LRRC58: variants seen among roughly 807,000 people sequenced by gnomAD.
The protein encoded by LRRC58 is leucine rich repeat containing 58, also known as leucine-rich repeat-containing protein 58.
LRRC58 carries 18 observed loss-of-function variants against 30.6 expected under a neutral mutation model. That is an observed-to-expected ratio of 0.59 (90% CI 0.41 to 0.87). LRRC58 has a LOEUF of 0.87. LRRC58 is among the 40% of genes least tolerant of loss of function. The pLI, the probability that LRRC58 is intolerant of heterozygous loss-of-function variation, is 0.00. For missense variants in LRRC58, 420 were observed against 468.4 expected (o/e 0.90, Z 0.95); for synonymous variants, 221 against 206.0 (o/e 1.07, Z -0.62).
intron 1 of LRRC58, among the ~76,000 whole-genome samples, chr3:120,345,951 A>G (rs1425829178): frequency 6.6e-6 from 1 of 152,212 alleles, no homozygotes; most frequent in East Asian, 1.9e-4. Flanking sequence ...CAAATCCAAC[A>G]GTACAGAAGT....
chr3:120,347,670 C>A (rs1016173377), intron 1 of LRRC58, among the ~76,000 whole-genome samples: 1 of 151,180 alleles, frequency 6.6e-6, no homozygotes, highest in Non-Finnish European at 1.5e-5. Flanking sequence ...GGATTACAGG[C>A]GTGAGCCACC....
chr3:120,334,626 TG>T (rs1935809432), intron 3 of LRRC58, among the ~76,000 whole-genome samples: 1 of 152,206 alleles, frequency 6.6e-6, no homozygotes, highest in Admixed American at 6.5e-5. Flanking sequence ...TTTACCATCT[TG>T]ATTTATTATC....
At chr3:120,334,803 CTTAA>C (rs1354216236) in intron 3 of LRRC58, 55 bp downstream of exon 3, 8 of 1,412,384 alleles carry the variant, frequency 5.7e-6, no homozygotes, top group South Asian at 1.4e-5. Flanking sequence ...TGAAAGAAGA[CTTAA>C]TTAATTTAAA....
rs752837749 is a variant in LRRC58 at position 120,335,085 on chromosome 3, A to G, written c.684T>C (p.Pro228=). ...AATGAATAAGGTTGAGGATCTCTCG[A>G]GGCAGATATGTCAGCAAGTTATTGT... ...SLHNNLLTYL[P]REILNLIHLE... is the part of the protein sequence containing the mutation. The change falls in exon 3 of 4, where the codon CCT becomes CCC. Residue 228 remains proline (P), a synonymous_variant. Transcript: ENST00000295628. 1.5e-5 allele frequency: 25 copies of G among 1,613,986 alleles called. No homozygotes were observed. Among genetic ancestry groups the G allele is most frequent in the Non-Finnish European group, 2.1e-5 (25 of 1,179,858 alleles).
At chr3:120,340,496 T>C (rs1181827802) in intron 1 of LRRC58, among the ~76,000 whole-genome samples, 1 of 152,222 alleles carries the variant, frequency 6.6e-6, no homozygotes, top group Non-Finnish European at 1.5e-5. Context: ...TTCTCAAGTA[T>C]AATTTTTCTG....
At chr3:120,346,316 C>T (rs1243728622) in intron 1 of LRRC58, among the ~76,000 whole-genome samples, 1 of 151,992 alleles carries the variant, frequency 6.6e-6, no homozygotes, top group Non-Finnish European at 1.5e-5. Flanking sequence ...GACCCTCCAA[C>T]CCCCCAACAA....
At chr3:120,342,366 G>A (rs574120333) in intron 1 of LRRC58, among the ~76,000 whole-genome samples, 56 of 152,348 alleles carry the variant, frequency 3.7e-4, no homozygotes, top group African/African-American at 1.3e-3. Flanking sequence ...GGCTCAGCCA[G>A]AACAGGGCAG....
At chr3:120,346,140 G>A (rs906993559) in intron 1 of LRRC58, among the ~76,000 whole-genome samples, 11 of 152,032 alleles carry the variant, frequency 7.2e-5, no homozygotes, top group Non-Finnish European at 1.6e-4. Flanking sequence ...TCCTGTGGTC[G>A]CAGATACTTG....
At chr3:120,336,010 A>G in intron 1 of LRRC58, 57 bp from the exon 2 acceptor site, 1 of 1,270,954 alleles carries the variant, frequency 7.9e-7, no homozygotes, top group Non-Finnish European at 1.1e-6. Flanking sequence ...AAGATACCCC[A>G]TTGTGTCTAC....
At chr3:120,338,165 T>C (rs1187670315) in intron 1 of LRRC58, among the ~76,000 whole-genome samples, 2 of 152,160 alleles carry the variant, frequency 1.3e-5, no homozygotes, top group Non-Finnish European at 2.9e-5. Context: ...TTTAAATACC[T>C]TTTGCCCTGA....
rs964120856 is a variant in LRRC58, at chr3:120,330,322, T to C, written c.*878A>G. The C allele has an allele frequency of 1.5e-4, 23 of 152,218 alleles. No homozygotes were observed. The highest frequency in any genetic ancestry group is 5.3e-4 in the African/African-American group (22 of 41,562). 9.4% of individuals were successfully genotyped at this position (152,218 alleles called of 1,614,324 possible). A position where few individuals can be genotyped will look rare whatever the true frequency, so the allele number is the denominator to read the frequency against. ...CCTACCATTAAGTGTAAAAGTAATG[T>C]GCTTATAAGGGATGAGTGCACATTT... On this transcript the variant is annotated 3_prime_UTR_variant, in exon 4 of 4. Coordinates refer to ENST00000295628, the MANE Select transcript of LRRC58 (RefSeq NM_001099678.2).
Position 120,349,202 on chromosome 3 carries a change from G to C in LRRC58, c.42C>G (p.Ala14=). The change falls in exon 1 of 4, where the codon GCC becomes GCG. Residue 14 remains alanine (A), a synonymous_variant. Coordinates refer to ENST00000295628, the MANE Select transcript of LRRC58 (RefSeq NM_001099678.2). ...CGCTGAGGCGGGACCAGTTCAGTTC[G>C]GCCTCCCCGGCCGTGACCACCGCTG... is the stretch of plus-strand genomic sequence containing the variant. ...AGAAVVTAGE[A]ELNWSRLSVS... The C allele has an allele frequency of 6.9e-7, 1 of 1,448,480 alleles. No individual in the cohort carries two copies. Among genetic ancestry groups the C allele is most frequent in the Non-Finnish European group, 9.0e-7 (1 of 1,106,108 alleles). The allele number at this position is 1,448,480 out of a possible 1,614,324, so 89.7% of individuals were successfully genotyped here. A position where few individuals can be genotyped will look rare whatever the true frequency, so the allele number is the denominator to read the frequency against.
intron 3 of LRRC58, 146 bp from the exon 4 acceptor site, chr3:120,331,554 G>C (rs1935758124): frequency 8.9e-6 from 6 of 676,182 alleles, no homozygotes; most frequent in Non-Finnish European, 1.6e-5. Flanking sequence ...TTGTATAGCT[G>C]TCTATAAGCC....
At chr3:120,338,290 A>T (rs1365986707) in intron 1 of LRRC58, among the ~76,000 whole-genome samples, 1 of 152,206 alleles carries the variant, frequency 6.6e-6, no homozygotes, top group Non-Finnish European at 1.5e-5. Context: ...CAGTTACTTA[A>T]TCTTGCAGTT....
In LRRC58 at chr3:120,334,873, G is replaced by A. The variant is rs1559993611; in HGVS notation, c.896C>T (p.Pro299Leu). The A allele has an allele frequency of 6.2e-7, 1 of 1,613,278 alleles. No individual in the cohort carries two copies. Among genetic ancestry groups the A allele is most frequent in the South Asian group, 1.1e-5 (1 of 90,900 alleles). Residue 299 changes from proline to leucine, a missense_variant, in exon 3 of 4, where the codon CCA becomes CTA. Pro to Leu is a moderately conservative substitution (Grantham distance 98). Transcript: ENST00000295628. ...CTGAATTAACTTACCTCCACACTTT[G>A]GGTTTGGGCAATTGCTGGCTGAACC... ...YLGSASNCPN[P>L]KCGGVYFDCC...
chr3:120,345,786 G>A (rs1000121522), intron 1 of LRRC58, among the ~76,000 whole-genome samples: 4 of 152,304 alleles, frequency 2.6e-5, no homozygotes, highest in Admixed American at 2.6e-4. Flanking sequence ...AGGCACGCAA[G>A]TGAAAAATGA....
intron 3 of LRRC58, among the ~76,000 whole-genome samples, chr3:120,333,989 G>C (rs1233132415): frequency 6.6e-6 from 1 of 152,078 alleles, no homozygotes; most frequent in Non-Finnish European, 1.5e-5. Flanking sequence ...TTGATTTCCA[G>C]AAGCATTTTG....
At chr3:120,340,617 T>C (rs1314515432) in intron 1 of LRRC58, among the ~76,000 whole-genome samples, 1 of 152,148 alleles carries the variant, frequency 6.6e-6, no homozygotes, top group Non-Finnish European at 1.5e-5. Context: ...GGCTCACACC[T>C]AATCCCAGCA....
In LRRC58 at chr3:120,326,199, T is replaced by C. The variant is rs1935671282; in HGVS notation, c.*5001A>G. 1 of 152,150 alleles carries C rather than the reference T, an allele frequency of 6.6e-6. No homozygotes were observed. The highest frequency in any genetic ancestry group is 2.4e-5 in the African/African-American group (1 of 41,442). 9.4% of individuals were successfully genotyped at this position (152,150 alleles called of 1,614,324 possible). A position where few individuals can be genotyped will look rare whatever the true frequency, so the allele number is the denominator to read the frequency against. ...TATTTTTATTTTTGAGATAGAGTCT[T>C]GCTCTGTCTCCCAGGCTGGAGTGCA... On this transcript the variant is annotated 3_prime_UTR_variant, in exon 4 of 4. Coordinates refer to ENST00000295628, the MANE Select transcript of LRRC58 (RefSeq NM_001099678.2).
Sources: allele counts gnomAD v4.1 joint callset (sites outside exome capture counted in the v4.1 genomes callset), GRCh38; gene constraint gnomAD v4.1.1; transcripts MANE v1.5; gene names NCBI Gene and HGNC (gene_info 2026-07-23, HGNC 2026-07-21).